Variants in DKK3 observed in about 807,000 individuals in gnomAD.
DKK3 encodes dickkopf-related protein 3.
Under a neutral mutation model 33.2 loss-of-function variants are expected in DKK3, and 22 were observed. The observed-to-expected ratio is 0.66, with a 90% CI of 0.47 to 0.95. The LOEUF is 0.95. DKK3 is among the 40% of genes least tolerant of loss of function. DKK3 has a pLI of 0.00. For synonymous variants in DKK3, 194 were observed against 188.8 expected (o/e 1.03, Z -0.23); for missense variants, 398 against 458.4 (o/e 0.87, Z 1.20).
chr11:11,966,206 G>A (rs755452015), intron 5 of DKK3, among the ~76,000 whole-genome samples: 4 of 152,202 alleles, frequency 2.6e-5, no homozygotes, highest in Non-Finnish European at 5.9e-5. Context: ...TGGATTTTGA[G>A]GGCCAGAAAG....
rs1292919949 is a variant in DKK3 at position 11,998,804 on chromosome 11, A to G, written c.352-25T>C. ...TCTACAGTAAAACAGGTACAATGAA[A>G]GTAAAATAGAAGGAATTCTGGACAA... On this transcript the variant is annotated intron_variant, in intron 2 of 6. Transcript: ENST00000683431. 3 of 1,586,670 alleles carry G rather than the reference A, an allele frequency of 1.9e-6. No homozygotes were observed. In the East Asian group the frequency reaches 6.7e-5, roughly 35 times the overall value.
At chr11:11,988,411 C>T (rs1383012388) in intron 3 of DKK3, among the ~76,000 whole-genome samples, 1 of 152,182 alleles carries the variant, frequency 6.6e-6, no homozygotes, top group East Asian at 1.9e-4. Flanking sequence ...TCTGCATTCC[C>T]CGCTTCCCAT....
chr11:11,992,274 A>G (rs1848203363), intron 3 of DKK3, among the ~76,000 whole-genome samples: 1 of 152,198 alleles, frequency 6.6e-6, no homozygotes, highest in African/African-American at 2.4e-5. Context: ...TATTAAGCCC[A>G]TTTTACATAT....
intron 4 of DKK3, 98 bp from the exon 5 acceptor site, chr11:11,967,196 C>T: frequency 7.0e-7 from 1 of 1,430,510 alleles, no homozygotes; most frequent in Non-Finnish European, 9.5e-7. Flanking sequence ...CAACCTGCAT[C>T]CTCCCATTGT....
chr11:12,000,370 C>A (rs1414217065), intron 2 of DKK3, among the ~76,000 whole-genome samples: 1 of 152,074 alleles, frequency 6.6e-6, no homozygotes. Context: ...CCATGCCCAG[C>A]TAATTTTTGT....
intron 1 of DKK3, 115 bp from the exon 2 acceptor site, chr11:12,002,552 G>A: frequency 1.8e-6 from 2 of 1,114,190 alleles, no homozygotes; most frequent in Non-Finnish European, 2.6e-6. Context: ...TGATGATGAT[G>A]ATAGGTGCTA....
chr11:12,002,225 ACAAAAAC>A, intron 2 of DKK3, 68 bp downstream of exon 2: 2 of 1,476,130 alleles, frequency 1.4e-6, no homozygotes, highest in South Asian at 2.8e-5. Context: ...ATATGAAAAA[ACAAAAAC>A]AAAAAAACCT....
At chr11:11,989,214 A>C (rs1848136627) in intron 3 of DKK3, among the ~76,000 whole-genome samples, 1 of 152,260 alleles carries the variant, frequency 6.6e-6, no homozygotes, top group Non-Finnish European at 1.5e-5. Flanking sequence ...TATCCAAAAG[A>C]AGTGAAAGCA....
At chr11:11,978,754 A>G (rs1358886467) in intron 3 of DKK3, 1 of 152,164 alleles carries the variant, frequency 6.6e-6, no homozygotes, top group Non-Finnish European at 1.5e-5. Flanking sequence ...TCATAGCCAT[A>G]ATGGCCGATA....
rs1275235683 is a variant in DKK3 at position 11,994,701 on chromosome 11, G to A, written c.435+3995C>T. 3.9e-5 allele frequency: 6 copies of A among 152,194 alleles called. No individual in the cohort carries two copies. The East Asian group carries it at 5.8e-4, about 15-fold the overall frequency. 9.4% of individuals were successfully genotyped at this position (152,194 alleles called of 1,614,324 possible). A position where few individuals can be genotyped will look rare whatever the true frequency, so the allele number is the denominator to read the frequency against. ...AGAAAACAAAGCCAGCACCCCACTC[G>A]AGAGTGTATGAACAAGTTGGGGTCA... On this transcript the variant is annotated intron_variant, in intron 3 of 6. Transcript: ENST00000683431.
At chr11:11,997,226 GT>G (rs959554202) in intron 3 of DKK3, among the ~76,000 whole-genome samples, 40 of 150,106 alleles carry the variant, frequency 2.7e-4, no homozygotes, top group Admixed American at 1.6e-3. Context: ...GATAGATTAA[GT>G]TTTTTTTTTG....
Position 12,002,334 on chromosome 11 carries a change from T to C in DKK3, c.317A>G (p.Asn106Ser), listed in dbSNP as rs1848447051. 2.5e-6 allele frequency: 4 copies of C among 1,614,006 alleles called. No individual in the cohort carries two copies. The highest frequency in any genetic ancestry group is 1.7e-5 in the Admixed American group (1 of 59,998). ...TTCTCGGTGCACATGGATGGTATTA[T>C]TTCCAACCTTCGTGTCTGTGTTGGT... Reference protein sequence around the residue: ...NETNTDTKVGNNTIHVHREIH... With the variant: ...NETNTDTKVGSNTIHVHREIH... Residue 106 changes from asparagine to serine, a missense_variant, in exon 2 of 7, where the codon AAT (asparagine) becomes AGT (serine). By Grantham distance (46) the Asn-to-Ser change is conservative (BLOSUM62 1). Coordinates refer to ENST00000683431, the MANE Select transcript of DKK3 (RefSeq NM_001018057.2).
chr11:11,997,196 C>G (rs772482756), intron 3 of DKK3, among the ~76,000 whole-genome samples: 1 of 152,202 alleles, frequency 6.6e-6, no homozygotes, highest in Non-Finnish European at 1.5e-5. Flanking sequence ...CCCCAGAGCA[C>G]GGCTGTACCA....
chr11:11,967,103 A>T lies in DKK3; in HGVS notation c.529-5T>A. The stretch of plus-strand genomic sequence containing the variant: ...CTCACTGTCCCGGGTGCAGAGCTGC[A>T]GACAGGTGGAAAGAGCCTAGAGCCA... On this transcript the variant is annotated splice_region_variant and splice_polypyrimidine_tract_variant and intron_variant, in intron 4 of 6. Coordinates refer to ENST00000683431, the MANE Select transcript of DKK3 (RefSeq NM_001018057.2). 6.2e-7 allele frequency: 1 copy of T among 1,612,922 alleles called. No individual in the cohort carries two copies. The highest frequency in any genetic ancestry group is 8.5e-7 in the Non-Finnish European group (1 of 1,179,634).
At chr11:11,964,843 T>A (rs1847548295) in intron 6 of DKK3, 157 bp from the exon 7 acceptor site, 1 of 1,412,130 alleles carries the variant, frequency 7.1e-7, no homozygotes, top group Non-Finnish European at 9.4e-7. Context: ...TCAACATCTA[T>A]CTTAAAATGA....
intron 3 of DKK3, among the ~76,000 whole-genome samples, chr11:11,970,418 G>C (rs1847699477): frequency 6.6e-6 from 1 of 152,176 alleles, no homozygotes. Flanking sequence ...CAACTTAAAA[G>C]AGCATAACAC....
intron 3 of DKK3, among the ~76,000 whole-genome samples, chr11:11,983,536 T>C (rs989600372): frequency 3.3e-5 from 5 of 152,220 alleles, no homozygotes; most frequent in African/African-American, 7.2e-5. Context: ...CTGGATGTCA[T>C]GTCTGCATCC....
intron 3 of DKK3, among the ~76,000 whole-genome samples, chr11:11,988,350 T>C (rs1363923874): frequency 6.6e-6 from 1 of 152,184 alleles, no homozygotes; most frequent in Admixed American, 6.5e-5. Flanking sequence ...AGCTCATTTA[T>C]TAGATTCGGG....
intron 6 of DKK3, 166 bp from the exon 7 acceptor site, chr11:11,964,852 G>C: frequency 1.4e-6 from 2 of 1,390,646 alleles, no homozygotes; most frequent in South Asian, 2.9e-5. Context: ...ATCTTAAAAT[G>C]ATGGCTGAGG....
Sources: allele counts gnomAD v4.1 joint callset (sites outside exome capture counted in the v4.1 genomes callset), GRCh38; gene constraint gnomAD v4.1.1; transcripts MANE v1.5; gene names NCBI Gene and HGNC (gene_info 2026-07-23, HGNC 2026-07-21).